Variants in ABTB2 observed in about 807,000 individuals in gnomAD.
ABTB2 encodes the protein ankyrin repeat and BTB domain containing 2.
In ABTB2, 56 loss-of-function variants were observed where a neutral mutation model predicts 104.1. The observed-to-expected ratio is 0.54, with a 90% CI of 0.43 to 0.67. The LOEUF (loss-of-function observed/expected upper bound fraction) is 0.67. Ranked by LOEUF, ABTB2 falls within the 30% of genes least tolerant of loss-of-function variation. The probability of loss-of-function intolerance (pLI) is 0.00; values close to 1 mark genes in which losing one functional copy is unlikely to be tolerated. For synonymous variants in ABTB2, 606 were observed against 608.2 expected (o/e 1.00, Z 0.05); for missense variants, 1,279 against 1,407.7 (o/e 0.91, Z 1.46).
At chr11:34,243,044 G>C (rs7111789) in intron 1 of ABTB2, among the ~76,000 whole-genome samples, 76,463 of 151,906 alleles carry the variant, frequency 0.5, 19,587 homozygotes, top group Middle Eastern at 0.63. Flanking sequence ...CCGAATCTGG[G>C]AGCCTGATAA....
At chr11:34,191,627 G>A (rs1220394974) in intron 3 of ABTB2, among the ~76,000 whole-genome samples, 1 of 152,206 alleles carries the variant, frequency 6.6e-6, no homozygotes, top group Non-Finnish European at 1.5e-5. Flanking sequence ...AAGCAGCATG[G>A]GAGGGGCTTC....
At chr11:34,216,774 A>G (rs1423730831) in intron 1 of ABTB2, among the ~76,000 whole-genome samples, 1 of 152,184 alleles carries the variant, frequency 6.6e-6, no homozygotes, top group African/African-American at 2.4e-5. Flanking sequence ...AAGAAAGAAA[A>G]GAAATATACA....
In ABTB2 at chr11:34,258,605, C is replaced by CTTTTT. The variant is rs35853565; in HGVS notation, c.884-53920_884-53916dup. On this transcript the variant is annotated intron_variant, in intron 1 of 16. Coordinates refer to ENST00000435224, the MANE Select transcript of ABTB2 (RefSeq NM_145804.3). Reference sequence around the variant, plus strand: ...AGTGAGCACTACAGAAGTGCCTGCTCTTTTTTTTTTTTTTTTTTTTTTTGA... The same window carrying CTTTTT: ...AGTGAGCACTACAGAAGTGCCTGCTCTTTTTTTTTTTTTTTTTTTTTTTTTTTTGA... Among the ~76,000 whole-genome samples the CTTTTT allele has an allele frequency of 4.5e-3, 427 of 95,104 alleles. 7 individuals are homozygous for CTTTTT. The highest frequency in any genetic ancestry group is 6.2e-3 in the African/African-American group (142 of 23,004). The allele number at this position is 95,104 out of a possible 152,430, so 62.4% of individuals were successfully genotyped here. A position where few individuals can be genotyped will look rare whatever the true frequency, so the allele number is the denominator to read the frequency against.
intron 1 of ABTB2, among the ~76,000 whole-genome samples, chr11:34,348,486 T>G (rs1855360146): frequency 6.6e-6 from 1 of 152,198 alleles, no homozygotes; most frequent in African/African-American, 2.4e-5. Context: ...TCCAGGTCTT[T>G]GCTCACACTG....
chr11:34,275,190 G>C (rs1854369710), intron 1 of ABTB2, among the ~76,000 whole-genome samples: 1 of 152,138 alleles, frequency 6.6e-6, no homozygotes, highest in Non-Finnish European at 1.5e-5. Context: ...AATCTATCTG[G>C]CTTGGATCCA....
chr11:34,258,286 G>T (rs996855684), intron 1 of ABTB2, among the ~76,000 whole-genome samples: 3 of 152,158 alleles, frequency 2.0e-5, no homozygotes, highest in Non-Finnish European at 4.4e-5. Flanking sequence ...AATATGGAAT[G>T]ACAATTTACA....
chr11:34,171,571 CTCAA>C (rs778520481), intron 4 of ABTB2, among the ~76,000 whole-genome samples: 10 of 152,244 alleles, frequency 6.6e-5, no homozygotes, highest in Admixed American at 2.0e-4. Context: ...AAGACTCTGT[CTCAA>C]TCAATCAATC....
chr11:34,210,657 T>A (rs972488407), intron 1 of ABTB2, among the ~76,000 whole-genome samples: 4 of 152,178 alleles, frequency 2.6e-5, no homozygotes, highest in Admixed American at 6.5e-5. Context: ...TTTCTGCACC[T>A]GCCACCAACG....
intron 1 of ABTB2, among the ~76,000 whole-genome samples, chr11:34,208,481 C>T (rs543083392): frequency 3.3e-5 from 5 of 152,274 alleles, no homozygotes; most frequent in Non-Finnish European, 2.9e-5. Flanking sequence ...GAGCAGTGAG[C>T]ATGATCGAGT....
chr11:34,176,476 C>A (rs1446305752), intron 3 of ABTB2, among the ~76,000 whole-genome samples: 1 of 151,940 alleles, frequency 6.6e-6, no homozygotes, highest in African/African-American at 2.4e-5. Context: ...ATGGCAGGTC[C>A]TCAATAAATG....
intron 7 of ABTB2, among the ~76,000 whole-genome samples, chr11:34,166,793 G>A (rs114218728): frequency 1.3e-5 from 2 of 152,332 alleles, no homozygotes; most frequent in Admixed American, 6.5e-5. Flanking sequence ...GGCTTGGCTC[G>A]ACGGGTGAGC....
At chr11:34,260,409 A>C (rs1854174429) in intron 1 of ABTB2, among the ~76,000 whole-genome samples, 1 of 152,190 alleles carries the variant, frequency 6.6e-6, no homozygotes, top group South Asian at 2.1e-4. Context: ...CCTGAATAAT[A>C]AACACAGAAG....
At chr11:34,344,295 C>T (rs1240536774) in intron 1 of ABTB2, among the ~76,000 whole-genome samples, 1 of 152,192 alleles carries the variant, frequency 6.6e-6, no homozygotes, top group East Asian at 1.9e-4. Context: ...TGGCTGCCTA[C>T]AAAGAAGCTG....
intron 1 of ABTB2, among the ~76,000 whole-genome samples, chr11:34,228,957 T>TA (rs1301504951): frequency 6.6e-6 from 1 of 151,380 alleles, no homozygotes; most frequent in African/African-American, 2.4e-5. Context: ...GCATCTCTAC[T>TA]AAAATACAAA....
At chr11:34,202,426 A>T (rs529137504) in intron 2 of ABTB2, among the ~76,000 whole-genome samples, 24 of 152,084 alleles carry the variant, frequency 1.6e-4, no homozygotes, top group Admixed American at 1.6e-3. Flanking sequence ...CAGATCATAT[A>T]TGGATCCTGG....
intron 14 of ABTB2, among the ~76,000 whole-genome samples, chr11:34,158,168 A>G (rs1473423321): frequency 6.6e-6 from 1 of 152,234 alleles, no homozygotes; most frequent in African/African-American, 2.4e-5. Context: ...TAATCCCAGC[A>G]CTTTGGGAGG....
chr11:34,164,761 A>G lies in ABTB2; in HGVS notation c.1913T>C (p.Leu638Pro), dbSNP rs768892928. Residue 638 changes from leucine (L) to proline (P), a missense_variant, in exon 9 of 17, where the codon CTG becomes CCG. Leu to Pro is a moderately conservative substitution (Grantham distance 98, BLOSUM62 -3). Transcript: ENST00000435224. ...SRGADPLLSM[L>P]EAHGMGSSLH... ...GGAGGAGCCCATGCCGTGGGCCTCC[A>G]GCATGCTGAGGAGGGGGTCGGCGCC... The G allele has an allele frequency of 6.4e-7, 1 of 1,563,092 alleles. No homozygotes were observed. Among genetic ancestry groups the G allele is most frequent in the South Asian group, 1.2e-5 (1 of 82,382 alleles).
chr11:34,174,953 G>T (rs890921071), intron 3 of ABTB2, among the ~76,000 whole-genome samples: 2 of 152,252 alleles, frequency 1.3e-5, no homozygotes, highest in African/African-American at 4.8e-5. Context: ...GGCAGCCAGG[G>T]GCAGGCGGCC....
Position 34,159,814 on chromosome 11 carries a change from C to T in ABTB2, c.2606+92G>A. On this transcript the variant is annotated intron_variant, in intron 13 of 16. Transcript: ENST00000435224. ...TCTGAGGGGCAGAGGCTGCAGGGTA[C>T]AGCCCCAGCGAGTCACTCTCTGTCA... 10 of 1,014,876 alleles carry T rather than the reference C, an allele frequency of 9.9e-6. 1 individual carries two copies. In the South Asian group the frequency reaches 1.4e-4, roughly 14 times the overall value. The allele number at this position is 1,014,876 out of a possible 1,614,324, so 62.9% of individuals were successfully genotyped here.
Sources: gnomAD v4.1 joint callset for allele counts (sites outside exome capture counted in the v4.1 genomes callset) on GRCh38, gnomAD v4.1.1 for gene constraint, MANE v1.5 for transcripts, NCBI Gene and HGNC (gene_info 2026-07-23, HGNC 2026-07-21) for gene names.